Variants in ACCSL observed in about 807,000 individuals in gnomAD.
ACCSL encodes the protein probable inactive 1-aminocyclopropane-1-carboxylate synthase-like protein 2.
ACCSL carries 55 observed loss-of-function variants against 61.7 expected under a neutral mutation model. That is an observed-to-expected ratio of 0.89 (90% CI 0.72 to 1.12). The LOEUF is 1.12. ACCSL is among the 50% of genes most tolerant of loss of function. The probability of loss-of-function intolerance (pLI) is 0.00; values close to 1 mark genes in which losing one functional copy is unlikely to be tolerated. For missense variants in ACCSL, 632 were observed against 698.0 expected, an observed-to-expected ratio of 0.91 and a Z score of 1.07; for synonymous variants, 258 against 264.3, an observed-to-expected ratio of 0.98 and a Z score of 0.23.
the ACCSL span, among the ~76,000 whole-genome samples, chr11:43,940,357 TC>T: frequency 5.3e-5 from 8 of 150,244 alleles, no homozygotes; most frequent in East Asian, 1.6e-3. Context: ...TGAAATTATA[TC>T]TTTTTTTTTT....
the ACCSL span, among the ~76,000 whole-genome samples, chr11:44,029,859 C>G: frequency 1.3e-5 from 2 of 151,608 alleles, no homozygotes; most frequent in Non-Finnish European, 2.9e-5. Flanking sequence ...GTCCCTGGGA[C>G]AGAACTGAAA....
At chr11:44,058,196 A>G in intron 11 of ACCSL, 121 bp from the exon 12 acceptor site, 2 of 1,261,460 alleles carry the variant, frequency 1.6e-6, no homozygotes, top group Non-Finnish European at 2.2e-6. Flanking sequence ...AAAAACAGAC[A>G]AACAAAACAA....
chr11:43,942,956 G>T, the ACCSL span: 3 of 1,479,160 alleles, frequency 2.0e-6, no homozygotes, highest in South Asian at 3.9e-5. Context: ...TTACCAGGCG[G>T]TGATGCCGCA....
At chr11:44,052,633 CT>C in intron 5 of ACCSL, 28 bp from the exon 6 acceptor site, 1 of 1,593,122 alleles carries the variant, frequency 6.3e-7, no homozygotes, top group Non-Finnish European at 8.6e-7. Context: ...AGACTTTGGA[CT>C]GATAGCTCTG....
At chr11:43,980,369 G>C in the ACCSL span, among the ~76,000 whole-genome samples, 2 of 152,144 alleles carry the variant, frequency 1.3e-5, no homozygotes, top group Admixed American at 1.3e-4. Context: ...AGAAACATTG[G>C]AGCAATTTAT....
chr11:44,002,044 G>A, the ACCSL span, among the ~76,000 whole-genome samples: 1 of 151,964 alleles, frequency 6.6e-6, no homozygotes, highest in Admixed American at 6.6e-5. Flanking sequence ...GAGGAAAATA[G>A]GTTTGGAATT....
At chr11:43,958,711 G>A in the ACCSL span, among the ~76,000 whole-genome samples, 1 of 152,134 alleles carries the variant, frequency 6.6e-6, no homozygotes, top group Non-Finnish European at 1.5e-5. Context: ...ATAAGCTGGT[G>A]ATTGGCATCA....
the ACCSL span, chr11:43,926,652 C>T: frequency 6.4e-6 from 2 of 313,068 alleles, no homozygotes; most frequent in South Asian, 5.3e-5. Flanking sequence ...CTCCTTACTA[C>T]AAAAGAGGTT....
At chr11:43,929,178 G>A in the ACCSL span, among the ~76,000 whole-genome samples, 1 of 152,178 alleles carries the variant, frequency 6.6e-6, no homozygotes, top group African/African-American at 2.4e-5. Context: ...AATAGTGTGT[G>A]AATGCGAAGG....
At chr11:43,956,311 T>C in the ACCSL span, among the ~76,000 whole-genome samples, 1 of 152,154 alleles carries the variant, frequency 6.6e-6, no homozygotes, top group African/African-American at 2.4e-5. Flanking sequence ...CAGAAAAACC[T>C]TTAGGCTGAA....
the ACCSL span, among the ~76,000 whole-genome samples, chr11:43,936,713 G>A: frequency 6.6e-6 from 1 of 152,130 alleles, no homozygotes; most frequent in East Asian, 1.9e-4. Flanking sequence ...TGGCTCCTTG[G>A]GCAGGGAAGG....
chr11:44,024,437 CTCTCTG>C, the ACCSL span, among the ~76,000 whole-genome samples: 15,076 of 73,996 alleles, frequency 0.2, 908 homozygotes, highest in East Asian at 0.37. Flanking sequence ...CTCTCTCTCT[CTCTCTG>C]TGTGTGTGTG....
Position 44,053,004 on chromosome 11 carries a change from A to G in ACCSL, c.884A>G (p.Asn295Ser), listed in dbSNP as rs1408628748. The G allele has an allele frequency of 6.2e-7, 1 of 1,614,074 alleles. No individual in the cohort carries two copies. Among genetic ancestry groups the G allele is most frequent in the East Asian group, 2.2e-5 (1 of 44,884 alleles). ...VHLESEVTVT[N>S]THPFQLTVDK... is the part of the protein sequence containing the mutation. ...TTTCTCTTCCAGGTCACTGTTACAA[A>G]CACCCATCCTTTCCAGCTCACTGTG... The change falls in exon 7 of 14, where the codon AAC (asparagine) becomes AGC (serine). Residue 295 changes from asparagine to serine, a missense_variant. Transcript: ENST00000378832.
At chr11:43,993,634 C>A in the ACCSL span, among the ~76,000 whole-genome samples, 1 of 152,104 alleles carries the variant, frequency 6.6e-6, no homozygotes, top group Non-Finnish European at 1.5e-5. Flanking sequence ...CCTGGACGCC[C>A]CTTGCCGGAA....
intron 11 of ACCSL, 24 bp from the exon 12 acceptor site, chr11:44,058,293 A>C: frequency 6.2e-7 from 1 of 1,613,418 alleles, no homozygotes; most frequent in South Asian, 1.1e-5. Flanking sequence ...TATCTGTGAC[A>C]GTGTTTTTCC....
chr11:43,974,807 C>T, the ACCSL span, among the ~76,000 whole-genome samples: 1 of 152,148 alleles, frequency 6.6e-6, no homozygotes, highest in African/African-American at 2.4e-5. Flanking sequence ...ATCCTCCCAC[C>T]CCAGACAAGC....
At chr11:44,040,287 G>A in the ACCSL span, among the ~76,000 whole-genome samples, 3 of 152,156 alleles carry the variant, frequency 2.0e-5, no homozygotes, top group Non-Finnish European at 4.4e-5. Flanking sequence ...GATAAAGTAC[G>A]TAGGCCCAGG....
At chr11:43,965,088 A>G in the ACCSL span, among the ~76,000 whole-genome samples, 19 of 152,348 alleles carry the variant, frequency 1.2e-4, no homozygotes, top group South Asian at 3.7e-3. Flanking sequence ...AGTTCTAGCC[A>G]GAGCAATTAG....
the ACCSL span, among the ~76,000 whole-genome samples, chr11:43,936,436 G>A: frequency 4.6e-5 from 7 of 152,296 alleles, no homozygotes; most frequent in Admixed American, 3.3e-4. Flanking sequence ...GCCGGGTACT[G>A]TGCTAGGCGC....
Sources: allele counts gnomAD v4.1 joint callset (sites outside exome capture counted in the v4.1 genomes callset), GRCh38; gene constraint gnomAD v4.1.1; transcripts MANE v1.5; gene names NCBI Gene and HGNC (gene_info 2026-07-23, HGNC 2026-07-21).